Variants in LMTK3 observed in about 807,000 individuals in gnomAD.
LMTK3 encodes serine/threonine-protein kinase LMTK3.
A neutral mutation model predicts 116.7 loss-of-function variants in LMTK3; 27 were observed. The ratio of observed to expected loss-of-function variants is 0.23; its 90% confidence interval spans 0.17 to 0.32. The LOEUF is 0.32. Among genes scored for constraint, LMTK3 ranks in the 10% least tolerant of loss-of-function variants. The pLI is 1.00. For synonymous variants in LMTK3, 965 were observed against 971.0 expected, an observed-to-expected ratio of 0.99 and a Z score of 0.11; for missense variants, 1,764 against 2,068.5, an observed-to-expected ratio of 0.85 and a Z score of 2.86.
chr19:48,507,244 C>T (rs527324066), intron 5 of LMTK3, among the ~76,000 whole-genome samples: 1 of 152,342 alleles, frequency 6.6e-6, no homozygotes, highest in Non-Finnish European at 1.5e-5. Context: ...CTCCCAGCAA[C>T]GTGCTAGGCA....
rs1380234122 is a variant in LMTK3, at chr19:48,498,443, C to T, written c.2626G>A (p.Gly876Arg). Residue 876 changes from glycine to arginine, a missense_variant, in exon 11 of 15, where the codon GGG (glycine) becomes AGG (arginine). Gly to Arg is a moderately radical substitution (Grantham distance 125). Coordinates refer to ENST00000600059, the MANE Select transcript of LMTK3 (RefSeq NM_001388485.1). Reference sequence around the variant, plus strand: ...TCCCGGGCTGTCGCCCCCTTCTCCCCCAGGAGGTTCCTTGTCACATCCTCC... The same window carrying T: ...TCCCGGGCTGTCGCCCCCTTCTCCCTCAGGAGGTTCCTTGTCACATCCTCC... ...LREDVTRNLL[G>R]EKGATARETG... The T allele has an allele frequency of 2.5e-6, 4 of 1,604,732 alleles. No homozygotes were observed. Among genetic ancestry groups the T allele is most frequent in the Non-Finnish European group, 3.4e-6 (4 of 1,175,788 alleles).
At chr19:48,502,790 A>G (rs761098651) in intron 6 of LMTK3, 119 bp downstream of exon 6, 103 of 879,566 alleles carry the variant, frequency 1.2e-4, no homozygotes, top group Non-Finnish European at 1.8e-4. Flanking sequence ...ATGTTAGCGC[A>G]TGCCACACAT....
chr19:48,497,384 C>T lies in LMTK3; in HGVS notation c.3676+9G>A. 6.8e-7 allele frequency: 1 copy of T among 1,474,520 alleles called. No individual in the cohort carries two copies. The highest frequency in any genetic ancestry group is 1.4e-5 in the South Asian group (1 of 71,440). 91.3% of individuals were successfully genotyped at this position (1,474,520 alleles called of 1,614,324 possible). A position where few individuals can be genotyped will look rare whatever the true frequency, so the allele number is the denominator to read the frequency against. ...CCTCAGCCCTGACTGTGCCCCGCAG[C>T]CTCCTCACCTTTGATCTGCTCGCTG... On this transcript the variant is annotated intron_variant, in intron 11 of 14. Coordinates refer to ENST00000600059, the MANE Select transcript of LMTK3 (RefSeq NM_001388485.1). The surrounding 1 kb of genome is among the most constrained non-coding windows in gnomAD (Gnocchi z 5.7).
chr19:48,509,953 G>A (rs1972629307), intron 3 of LMTK3, 70 bp downstream of exon 3: 12 of 1,566,792 alleles, frequency 7.7e-6, no homozygotes. Context: ...AGCCCCTGAA[G>A]GAACACACTC....
rs1323864553 is a variant in LMTK3, at chr19:48,499,677, A to C, written c.1392T>G (p.Asp464Glu). The change falls in exon 11 of 15, where the codon GAT becomes GAG. Residue 464 changes from aspartate (D) to glutamate (E), a missense_variant. Transcript: ENST00000600059. Reference protein sequence around the residue: ...LDGFPGADPDDVLTVTESSRG... With the variant: ...LDGFPGADPDEVLTVTESSRG... ...GGCTACTCTCGGTGACCGTGAGCAC[A>C]TCGTCGGGGTCGGCTCCAGGGAAGC... 2 of 1,532,084 alleles carry C rather than the reference A, an allele frequency of 1.3e-6. No homozygotes were observed. Among genetic ancestry groups the C allele is most frequent in the Non-Finnish European group, 1.8e-6 (2 of 1,138,358 alleles). 94.9% of individuals were successfully genotyped at this position (1,532,084 alleles called of 1,614,324 possible).
rs1972276228 is a variant in LMTK3 at position 48,493,907 on chromosome 19, C to T, written c.3879G>A (p.Ala1293=). The stretch of plus-strand genomic sequence containing the variant: ...CCCGCGGCCCCGCCGCCGCGCCCGG[C>T]GCCGCCGCCTCCTCGTCCTCCTCCT... The part of the protein sequence containing the change: ...EDEEEDEEAA[A]PGAAAGPRGP... The change falls in exon 12 of 15, where the codon GCG becomes GCA. Residue 1293 remains alanine (A), a synonymous_variant. Transcript: ENST00000600059. 1 of 1,030,288 alleles carries T rather than the reference C, an allele frequency of 9.7e-7. No individual in the cohort carries two copies. Among genetic ancestry groups the T allele is most frequent in the East Asian group, 9.4e-5 (1 of 10,666 alleles). 63.8% of individuals were successfully genotyped at this position (1,030,288 alleles called of 1,614,324 possible).
At chr19:48,493,125 G>C (rs1404909204) in intron 12 of LMTK3, among the ~76,000 whole-genome samples, 1 of 149,086 alleles carries the variant, frequency 6.7e-6, no homozygotes, top group African/African-American at 2.5e-5. Context: ...CCGCGCCACA[G>C]ACTTGGCCTC....
intron 5 of LMTK3, among the ~76,000 whole-genome samples, chr19:48,503,239 G>T (rs1972504133): frequency 6.6e-6 from 1 of 152,164 alleles, no homozygotes; most frequent in Non-Finnish European, 1.5e-5. Context: ...GTAAAGATGG[G>T]GTTTCACCAT....
chr19:48,511,975 C>T (rs564960503), upstream of LMTK3, among the ~76,000 whole-genome samples: 1 of 131,690 alleles, frequency 7.6e-6, no homozygotes, highest in Non-Finnish European at 1.6e-5. Flanking sequence ...CTGGCTCCCC[C>T]GTAGCATTGG....
At position 48,499,930 on chromosome 19, in the gene LMTK3, G is replaced by GGGGCAGAGTGAGCA. The variant is rs1972432639; in HGVS notation, c.1152-27_1152-14dup. ...AAGAATGTCATACCTGGGGAGAGGT[G>GGGGCAGAGTGAGCA]GGGCAGAGTGAGCAGGGCAGAGACC... On this transcript the variant is annotated splice_polypyrimidine_tract_variant and intron_variant, in intron 10 of 14. Coordinates refer to ENST00000600059, the MANE Select transcript of LMTK3 (RefSeq NM_001388485.1). 3.8e-6 allele frequency: 6 copies of GGGGCAGAGTGAGCA among 1,574,070 alleles called. No individual in the cohort carries two copies. In the East Asian group the frequency reaches 6.9e-5, roughly 18 times the overall value.
intron 4 of LMTK3, 35 bp from the exon 5 acceptor site, chr19:48,509,004 G>A (rs1331052312): frequency 1.4e-6 from 2 of 1,438,176 alleles, no homozygotes; most frequent in South Asian, 1.2e-5. Context: ...AGCGAGTGCC[G>A]TTTCCCCAGC....
Position 48,498,083 on chromosome 19 carries a change from G to T in LMTK3, c.2986C>A (p.Pro996Thr). Residue 996 changes from proline (P) to threonine (T), a missense_variant, in exon 11 of 15, where the codon CCC becomes ACC. By Grantham distance (38) the Pro-to-Thr change is conservative (BLOSUM62 -1). Around this residue, in one of 7 missense-constraint regions of LMTK3, gnomAD observed 1,028 missense variants for 1,050.6 expected, o/e 0.98. Coordinates refer to ENST00000600059, the MANE Select transcript of LMTK3 (RefSeq NM_001388485.1). Reference sequence around the variant, plus strand: ...GACACCTTGTCCTCGCTCTTTGGGGGTGTCAGGCCCCCATTCACCAGCACC... The same window carrying T: ...GACACCTTGTCCTCGCTCTTTGGGGTTGTCAGGCCCCCATTCACCAGCACC... The part of the protein sequence containing the change: ...EKVLVNGGLT[P>T]PKSEDKVSEN... The T allele has an allele frequency of 1.2e-6, 2 of 1,612,926 alleles. No homozygotes were observed. Among genetic ancestry groups the T allele is most frequent in the Admixed American group, 1.7e-5 (1 of 59,988 alleles).
chr19:48,502,989 G>A lies in LMTK3; in HGVS notation c.565C>T (p.Gln189Ter). 6.2e-7 allele frequency: 1 copy of A among 1,610,352 alleles called. No individual in the cohort carries two copies. Among genetic ancestry groups the A allele is most frequent in the Non-Finnish European group, 8.5e-7 (1 of 1,177,370 alleles). ...AGGCACTGGAGGACATTGGGGTGCT[G>A]CAGGCTCCTGTGGAGTGAGGAGGTG... ...ISEAQPYRSL[Q>*]HPNVLQCLGL... The change falls in exon 6 of 15, where the codon CAG becomes TAG. Residue 189 changes from glutamine (Q) to a stop codon, truncating the protein, a stop_gained. Transcript: ENST00000600059. LOFTEE classifies it high-confidence loss of function.
Position 48,498,139 on chromosome 19 carries a change from C to G in LMTK3, c.2930G>C (p.Gly977Ala). 6.2e-7 allele frequency: 1 copy of G among 1,613,750 alleles called. No homozygotes were observed. Among genetic ancestry groups the G allele is most frequent in the Non-Finnish European group, 8.5e-7 (1 of 1,179,838 alleles). Reference protein sequence around the residue: ...PRREEKALENGELRSPEAGEK... With the variant: ...PRREEKALENAELRSPEAGEK... ...CCCGGCCTCTGGGGACCTCAGCTCC[C>G]CATTCTCCAGCGCTTTCTCCTCCCT... The change falls in exon 11 of 15, where the codon GGG becomes GCG. Residue 977 changes from glycine to alanine, a missense_variant. Around this residue, in one of 7 missense-constraint regions of LMTK3, gnomAD observed 1,028 missense variants for 1,050.6 expected, o/e 0.98. Coordinates refer to ENST00000600059, the MANE Select transcript of LMTK3 (RefSeq NM_001388485.1).
intron 11 of LMTK3, among the ~76,000 whole-genome samples, chr19:48,495,631 G>T (rs186292337): frequency 6.6e-6 from 1 of 152,336 alleles, no homozygotes; most frequent in African/African-American, 2.4e-5. Flanking sequence ...AGGAAGAAAC[G>T]TCCTCTGTCC....
chr19:48,495,015 G>T (rs1235107429), intron 11 of LMTK3, among the ~76,000 whole-genome samples: 1 of 144,156 alleles, frequency 6.9e-6, no homozygotes, highest in African/African-American at 2.5e-5. Context: ...TGTTTTTTTT[G>T]TTTTTTTTTT....
At position 48,493,730 on chromosome 19, in the gene LMTK3, G is replaced by T; in HGVS notation, c.4056C>A (p.Ser1352=). 1 of 1,576,504 alleles carries T rather than the reference G, an allele frequency of 6.3e-7. No homozygotes were observed. Among genetic ancestry groups the T allele is most frequent in the Non-Finnish European group, 8.6e-7 (1 of 1,162,900 alleles). Residue 1352 remains serine, a synonymous_variant, in exon 12 of 15, where the codon TCC becomes TCA. Transcript: ENST00000600059. ...SELERKRKMV[S]FHGDVTVYLF... is the part of the protein sequence containing the mutation. Reference sequence around the variant, plus strand: ...GGTAGACGGTCACGTCCCCGTGGAAGGAGACCATCTTGCGCTTCCTCTCCA... The same window carrying T: ...GGTAGACGGTCACGTCCCCGTGGAATGAGACCATCTTGCGCTTCCTCTCCA...
chr19:48,505,068 ATT>A (rs918882118), intron 5 of LMTK3, among the ~76,000 whole-genome samples: 1 of 117,430 alleles, frequency 8.5e-6, no homozygotes, highest in African/African-American at 3.3e-5. Flanking sequence ...GGTATTTGTC[ATT>A]CTCTGACAGT....
At chr19:48,508,057 G>A (rs1015397116) in intron 5 of LMTK3, among the ~76,000 whole-genome samples, 6 of 152,084 alleles carry the variant, frequency 3.9e-5, no homozygotes, top group Non-Finnish European at 7.4e-5. Flanking sequence ...AGCAAGGTCC[G>A]ATGCGCTGCG....
Sources: gnomAD v4.1 joint callset for allele counts (sites outside exome capture counted in the v4.1 genomes callset) on GRCh38, gnomAD v4.1.1 for gene constraint, gnomAD v4.1.1 regional missense constraint, Gnocchi (gnomAD v3.1) non-coding constraint, MANE v1.5 for transcripts, NCBI Gene and HGNC (gene_info 2026-07-23, HGNC 2026-07-21) for gene names.